PLPPR5: variants seen among roughly 807,000 people sequenced by gnomAD.
PLPPR5 encodes the protein phospholipid phosphatase related 5.
Under a neutral mutation model 33.9 loss-of-function variants are expected in PLPPR5, and 16 were observed. The observed-to-expected ratio is 0.47, with a 90% confidence interval of 0.32 to 0.72. The LOEUF (loss-of-function observed/expected upper bound fraction) is 0.72, where lower values mean the gene tolerates loss of function less well. Among genes scored for constraint, PLPPR5 ranks in the 30% least tolerant of loss-of-function variants. The pLI is 0.03. For synonymous variants in PLPPR5, 163 were observed against 150.3 expected (o/e 1.08, Z -0.62); for missense variants, 301 against 406.7 (o/e 0.74, Z 2.23).
chr1:98,976,005 G>C (rs555403555), intron 1 of PLPPR5, among the ~76,000 whole-genome samples: 2 of 148,508 alleles, frequency 1.3e-5, no homozygotes, highest in Non-Finnish European at 1.5e-5. Flanking sequence ...GACTGTGATA[G>C]AGTCAAGGCA....
At chr1:98,921,710 G>T (rs945278101) in intron 4 of PLPPR5, among the ~76,000 whole-genome samples, 172 bp downstream of exon 4, 1 of 152,118 alleles carries the variant, frequency 6.6e-6, no homozygotes, top group Non-Finnish European at 1.5e-5. Flanking sequence ...CAGAACAAAT[G>T]GGGGAGGAGG....
chr1:98,964,248 G>A (rs746029683), intron 1 of PLPPR5, among the ~76,000 whole-genome samples: 1 of 152,188 alleles, frequency 6.6e-6, no homozygotes, highest in Non-Finnish European at 1.5e-5. Flanking sequence ...AATGAAAGCT[G>A]TTTCTAGACA....
At chr1:98,945,072 A>T (rs1650504569) in intron 3 of PLPPR5, among the ~76,000 whole-genome samples, 1 of 152,216 alleles carries the variant, frequency 6.6e-6, no homozygotes, top group Admixed American at 6.5e-5. Context: ...CCCAGCTATA[A>T]GCACTGCCAG....
chr1:98,980,892 A>G (rs545209259), intron 1 of PLPPR5, among the ~76,000 whole-genome samples: 1 of 152,114 alleles, frequency 6.6e-6, no homozygotes, highest in African/African-American at 2.4e-5. Flanking sequence ...TTTATCTTTT[A>G]GCATTGTCCA....
intron 1 of PLPPR5, among the ~76,000 whole-genome samples, chr1:98,963,679 C>T (rs1651328426): frequency 6.6e-6 from 1 of 152,184 alleles, no homozygotes; most frequent in Non-Finnish European, 1.5e-5. Flanking sequence ...AGGTCAGTCC[C>T]TGCTGCCCAC....
chr1:98,989,698 G>A (rs1652382114), intron 1 of PLPPR5, among the ~76,000 whole-genome samples: 1 of 152,114 alleles, frequency 6.6e-6, no homozygotes, highest in South Asian at 2.1e-4. Flanking sequence ...CAGAATAAGA[G>A]ACAATAGCCA....
intron 1 of PLPPR5, among the ~76,000 whole-genome samples, chr1:98,999,477 A>T (rs1490689171): frequency 6.6e-6 from 1 of 152,204 alleles, no homozygotes; most frequent in African/African-American, 2.4e-5. Flanking sequence ...AGTCTCCAAG[A>T]GGTGGGTGTT....
intron 4 of PLPPR5, among the ~76,000 whole-genome samples, chr1:98,919,224 T>C (rs1374006334): frequency 1.3e-5 from 2 of 152,150 alleles, no homozygotes; most frequent in African/African-American, 2.4e-5. Flanking sequence ...AGAGCAAAGA[T>C]ACAAGACATG....
At chr1:98,999,286 C>T (rs1652741846) in intron 1 of PLPPR5, among the ~76,000 whole-genome samples, 1 of 152,158 alleles carries the variant, frequency 6.6e-6, no homozygotes, top group African/African-American at 2.4e-5. Flanking sequence ...CACATGTTAA[C>T]CCATTTCATA....
At chr1:98,991,266 G>A (rs1652441746) in intron 1 of PLPPR5, 1 of 149,062 alleles carries the variant, frequency 6.7e-6, no homozygotes, top group Non-Finnish European at 1.5e-5. Flanking sequence ...ACCATACTGT[G>A]TTTTGCCTAT....
intron 4 of PLPPR5, among the ~76,000 whole-genome samples, chr1:98,919,764 A>C (rs1052663021): frequency 6.6e-6 from 1 of 152,180 alleles, no homozygotes; most frequent in Non-Finnish European, 1.5e-5. Flanking sequence ...ACATTTTCAA[A>C]ACACAAATCT....
At chr1:98,899,962 T>G (rs1298783345) in intron 5 of PLPPR5, among the ~76,000 whole-genome samples, 1 of 152,132 alleles carries the variant, frequency 6.6e-6, no homozygotes, top group African/African-American at 2.4e-5. Flanking sequence ...TTTGTTAACC[T>G]CCTCAACTAT....
chr1:98,928,035 T>C (rs180996370), intron 3 of PLPPR5, among the ~76,000 whole-genome samples: 280 of 152,298 alleles, frequency 1.8e-3, no homozygotes, highest in African/African-American at 6.6e-3. Flanking sequence ...TTGACAAAGA[T>C]AGCCTCATTT....
intron 1 of PLPPR5, 185 bp downstream of exon 1, chr1:99,004,250 T>G: frequency 6.9e-6 from 4 of 583,796 alleles, no homozygotes; most frequent in Non-Finnish European, 1.2e-5. Context: ...TGGGAAGAGC[T>G]GGGGGCTTCC....
At chr1:98,897,783 C>G (rs1648533985) in intron 5 of PLPPR5, among the ~76,000 whole-genome samples, 1 of 152,088 alleles carries the variant, frequency 6.6e-6, no homozygotes, top group Non-Finnish European at 1.5e-5. Flanking sequence ...TAACCTTTCA[C>G]AGACCCAGCT....
rs34637022 is a variant in PLPPR5, at chr1:98,976,092, T to TAAAAAAAAAAAA, written c.238-19363_238-19352dup. ...AAGATGAGATCATCCTACTAAAAAG[T>TAAAAAAAAAAAA]AAAAAAAAAAAAAAAAAAAAAAGCC... On this transcript the variant is annotated intron_variant, in intron 1 of 5. Coordinates refer to ENST00000263177, the MANE Select transcript of PLPPR5 (RefSeq NM_001037317.2). Among the ~76,000 whole-genome samples the TAAAAAAAAAAAA allele has an allele frequency of 6.7e-5, 5 of 74,684 alleles. 1 individual carries two copies. The highest frequency in any genetic ancestry group is 5.2e-4 in the South Asian group (1 of 1,936). 49.0% of individuals were successfully genotyped at this position (74,684 alleles called of 152,430 possible).
chr1:98,940,149 G>A (rs114614790), intron 3 of PLPPR5, among the ~76,000 whole-genome samples: 3 of 151,870 alleles, frequency 2.0e-5, no homozygotes, highest in East Asian at 1.9e-4. Context: ...GCCATAGGCC[G>A]AGTGGCATAA....
chr1:98,980,843 T>C (rs1652039046), intron 1 of PLPPR5, among the ~76,000 whole-genome samples: 1 of 152,044 alleles, frequency 6.6e-6, no homozygotes, highest in African/African-American at 2.4e-5. Flanking sequence ...GAATTTTAAT[T>C]CTATATTTCC....
At chr1:99,003,092 T>TATAC (rs1652929139) in intron 1 of PLPPR5, among the ~76,000 whole-genome samples, 1 of 134,784 alleles carries the variant, frequency 7.4e-6, no homozygotes, top group African/African-American at 2.7e-5. Flanking sequence ...TATATATATA[T>TATAC]ATATGTAAAA....
Sources: gnomAD v4.1 joint callset for allele counts (sites outside exome capture counted in the v4.1 genomes callset) on GRCh38, gnomAD v4.1.1 for gene constraint, MANE v1.5 for transcripts, NCBI Gene and HGNC (gene_info 2026-07-23, HGNC 2026-07-21) for gene names.